Variants in MAN1B1 observed in about 807,000 individuals in gnomAD.
The protein encoded by MAN1B1 is endoplasmic reticulum mannosyl-oligosaccharide 1,2-alpha-mannosidase.
Under a neutral mutation model 75.5 loss-of-function variants are expected in MAN1B1, and 66 were observed. The ratio of observed to expected loss-of-function variants is 0.87; its 90% CI spans 0.72 to 1.07. The LOEUF (loss-of-function observed/expected upper bound fraction) is 1.07, where lower values mean the gene tolerates loss of function less well. Ranked by LOEUF, MAN1B1 falls within the 50% of genes least tolerant of loss-of-function variation. The probability of loss-of-function intolerance (pLI) is 0.00; values close to 1 mark genes in which losing one functional copy is unlikely to be tolerated. For synonymous variants in MAN1B1, 453 were observed against 382.8 expected (o/e 1.18, Z -2.14); for missense variants, 973 against 912.5 (o/e 1.07, Z -0.85).
At chr9:137,105,927 C>T (rs992061730) in intron 8 of MAN1B1, 198 bp from the exon 9 acceptor site, 7 of 696,116 alleles carry the variant, frequency 1.0e-5, no homozygotes, top group Admixed American at 2.0e-5. Context: ...GTGCGTTGCA[C>T]TGGTGGCTGT....
intron 8 of MAN1B1, chr9:137,102,909 T>TA: frequency 2.6e-6 from 1 of 391,760 alleles, no homozygotes; most frequent in Non-Finnish European, 5.0e-6. Flanking sequence ...TCAGTGGTGT[T>TA]ACACACATTC....
intron 9 of MAN1B1, 186 bp from the exon 10 acceptor site, chr9:137,106,503 C>T (rs1224899692): frequency 2.9e-5 from 29 of 1,015,146 alleles, no homozygotes; most frequent in African/African-American, 7.9e-5. Flanking sequence ...CACCTCTCAC[C>T]GTGGCCTCTG....
chr9:137,088,768 G>C, intron 2 of MAN1B1, 101 bp from the exon 3 acceptor site: 3 of 1,259,076 alleles, frequency 2.4e-6, no homozygotes, highest in Admixed American at 3.5e-5. Flanking sequence ...TCATAATGTT[G>C]ATTTGTAATG....
chr9:137,101,032 C>G lies in MAN1B1; in HGVS notation c.944C>G (p.Ser315Trp). ...KEFEEARKWV[S>W]KKLHFEKDVD... The stretch of plus-strand genomic sequence containing the variant: ...TTTGAGGAAGCCAGGAAGTGGGTGT[C>G]GAAGAAGTTACACTTTGAAAAGGAC... The change falls in exon 7 of 13, where the codon TCG (serine) becomes TGG (tryptophan). Residue 315 changes from serine to tryptophan, a missense_variant. Ser to Trp is a radical substitution (Grantham distance 177). Coordinates refer to ENST00000371589, the MANE Select transcript of MAN1B1 (RefSeq NM_016219.5). The G allele has an allele frequency of 4.3e-6, 7 of 1,614,140 alleles. No individual in the cohort carries two copies. The highest frequency in any genetic ancestry group is 1.7e-5 in the Admixed American group (1 of 60,020).
rs1015460272 is a variant in MAN1B1 at position 137,106,423 on chromosome 9, A to C, written c.1445+108A>C. 2.8e-5 allele frequency: 30 copies of C among 1,086,754 alleles called. No individual in the cohort carries two copies. In the African/African-American group the frequency reaches 4.8e-4, roughly 18 times the overall value. 67.3% of individuals were successfully genotyped at this position (1,086,754 alleles called of 1,614,324 possible). A position where few individuals can be genotyped will look rare whatever the true frequency, so the allele number is the denominator to read the frequency against. ...GCCCCCGCTCCTGCTGCCCCCCGCC[A>C]CACTGTGTGTCAGGAAACCGCAGCC... On this transcript the variant is annotated intron_variant, in intron 9 of 12. Transcript: ENST00000371589.
intron 8 of MAN1B1, chr9:137,102,891 C>A (rs765267549): frequency 8.5e-3 from 2,432 of 287,806 alleles, no homozygotes; most frequent in African/African-American, 0.035. Flanking sequence ...CTGTTGCAGG[C>A]GTGCAGGTCA....
chr9:137,098,095 A>G (rs1830706975), intron 5 of MAN1B1, among the ~76,000 whole-genome samples, 158 bp downstream of exon 5: 1 of 151,880 alleles, frequency 6.6e-6, no homozygotes, highest in Non-Finnish European at 1.5e-5. Context: ...AGGCTCTGCA[A>G]CCTTGGTGAC....
At chr9:137,094,577 T>TAA (rs376957524) in intron 3 of MAN1B1, 26 of 157,856 alleles carry the variant, frequency 1.6e-4, no homozygotes, top group South Asian at 5.4e-4. Context: ...CCATCTCTAT[T>TAA]AAAAAAAAAA....
At chr9:137,087,571 A>T (rs1385128548) in intron 1 of MAN1B1, 1 of 520,108 alleles carries the variant, frequency 1.9e-6, no homozygotes, top group Non-Finnish European at 3.6e-6. Context: ...CCCTCGGTAC[A>T]GTGAGAAATG....
In MAN1B1 at chr9:137,094,711, TC is replaced by T. The variant is rs1830610869; in HGVS notation, c.466-1525del. Among the ~76,000 whole-genome samples the T allele has an allele frequency of 2.6e-5, 4 of 151,472 alleles. No individual in the cohort carries two copies. The South Asian group carries it at 8.3e-4, about 32-fold the overall frequency. On this transcript the variant is annotated intron_variant, in intron 3 of 12. Transcript: ENST00000371589. ...CTGGCCAACATGGTGAAATCCTGTC[TC>T]TACTAACAATACAAAAAATTAACCT...
chr9:137,107,599 A>G lies in MAN1B1; in HGVS notation c.1833A>G (p.Thr611=), dbSNP rs780366016. ...GCCTGTTCTACCTGTACCGCGTCAC[A>G]GGGGACCGCAAATACCAGGACTGGG... is the stretch of plus-strand genomic sequence containing the variant. ...VESLFYLYRV[T]GDRKYQDWGW... is the part of the protein sequence containing the mutation. Residue 611 remains threonine (T), a synonymous_variant, in exon 12 of 13, where the codon ACA becomes ACG. Coordinates refer to ENST00000371589, the MANE Select transcript of MAN1B1 (RefSeq NM_016219.5). 7 of 1,611,874 alleles carry G rather than the reference A, an allele frequency of 4.3e-6. No homozygotes were observed. Among genetic ancestry groups the G allele is most frequent in the Admixed American group, 3.3e-5 (2 of 60,028 alleles).
chr9:137,107,291 C>A lies in MAN1B1; in HGVS notation c.1608C>A (p.Gly536=), dbSNP rs774579438. 3 of 1,613,090 alleles carry A rather than the reference C, an allele frequency of 1.9e-6. No individual in the cohort carries two copies. The highest frequency in any genetic ancestry group is 1.7e-6 in the Non-Finnish European group (2 of 1,179,978). Residue 536 remains glycine (G), a synonymous_variant, in exon 11 of 13, where the codon GGC becomes GGA. Coordinates refer to ENST00000371589, the MANE Select transcript of MAN1B1 (RefSeq NM_016219.5). ...TCCTGCCAGGGACGCTGGCTCTGGG[C>A]GTCTACCACGGCCTGCCCGCCAGCC... is the stretch of plus-strand genomic sequence containing the variant. The part of the protein sequence containing the change: ...VCFLPGTLAL[G]VYHGLPASHM...
intron 1 of MAN1B1, 143 bp downstream of exon 1, chr9:137,087,361 A>C: frequency 9.9e-7 from 1 of 1,009,186 alleles, no homozygotes; most frequent in Non-Finnish European, 1.5e-6. Context: ...AAAAGGGGCA[A>C]ATGTGCGTTC....
At chr9:137,107,718 G>A in intron 12 of MAN1B1, 56 bp downstream of exon 12, 1 of 1,609,678 alleles carries the variant, frequency 6.2e-7, no homozygotes, top group African/African-American at 1.3e-5. Context: ...AGGCACGGCT[G>A]GGCTGTGGGG....
At chr9:137,105,611 G>A (rs1158360158) in intron 8 of MAN1B1, 18 of 317,888 alleles carry the variant, frequency 5.7e-5, no homozygotes, top group South Asian at 3.9e-4. Context: ...GGGCCAGGAC[G>A]CCTGGTGCTG....
intron 3 of MAN1B1, chr9:137,094,505 C>T (rs951983355): frequency 7.7e-5 from 22 of 285,902 alleles, no homozygotes; most frequent in Admixed American, 2.2e-4. Context: ...TTTGAGAGGC[C>T]GAGGCAGGCA....
intron 8 of MAN1B1, 66 bp from the exon 9 acceptor site, chr9:137,106,059 C>A (rs760747457): frequency 4.4e-5 from 57 of 1,289,330 alleles, no homozygotes; most frequent in Non-Finnish European, 2.9e-5. Context: ...CTCACAGAGC[C>A]CCTCTACAGC....
At chr9:137,107,473 C>T in intron 11 of MAN1B1, 26 bp downstream of exon 11, 1 of 1,613,304 alleles carries the variant, frequency 6.2e-7, no homozygotes, top group Non-Finnish European at 8.5e-7. Context: ...GGTCAGGGTC[C>T]ATCAGGAGGA....
At chr9:137,107,199 G>T (rs756492058) in intron 10 of MAN1B1, 51 bp from the exon 11 acceptor site, 2 of 1,588,068 alleles carry the variant, frequency 1.3e-6, no homozygotes, top group Non-Finnish European at 1.7e-6. Context: ...TGCAGCTGCA[G>T]GCTGAGGGCA....
Sources: allele counts gnomAD v4.1 joint callset (sites outside exome capture counted in the v4.1 genomes callset), GRCh38; gene constraint gnomAD v4.1.1; transcripts MANE v1.5; gene names NCBI Gene and HGNC (gene_info 2026-07-23, HGNC 2026-07-21).